Variants in CHTOP observed in about 807,000 individuals in gnomAD.
CHTOP encodes the protein chromatin target of PRMT1 protein.
Under a neutral mutation model 33.6 loss-of-function variants are expected in CHTOP, and 18 were observed. The observed-to-expected ratio is 0.54, with a 90% confidence interval of 0.37 to 0.80. The LOEUF is 0.80. Among genes scored for constraint, CHTOP ranks in the 30% least tolerant of loss-of-function variants. The probability of loss-of-function intolerance (pLI) is 0.00; values close to 1 mark genes in which losing one functional copy is unlikely to be tolerated. For missense variants in CHTOP, 263 were observed against 336.8 expected (o/e 0.78, Z 1.71); for synonymous variants, 117 against 127.7 (o/e 0.92, Z 0.56).
In CHTOP at chr1:153,638,484, G is replaced by T. The variant is rs760152308; in HGVS notation, c.219+36G>T. 1.9e-6 allele frequency: 3 copies of T among 1,613,452 alleles called. No individual in the cohort carries two copies. The South Asian group carries it at 3.3e-5, about 18-fold the overall frequency. ...GGGTCTTAATGCTCCAGAAGCAGCT[G>T]GTGATCTCTGTGAGGGAGTCCACTG... On this transcript the variant is annotated intron_variant, in intron 3 of 5. Coordinates refer to ENST00000368694, the MANE Select transcript of CHTOP (RefSeq NM_015607.4).
chr1:153,638,316 C>T lies in CHTOP; in HGVS notation c.87C>T (p.Asn29=). The T allele has an allele frequency of 6.2e-7, 1 of 1,614,212 alleles. No homozygotes were observed. Among genetic ancestry groups the T allele is most frequent in the Non-Finnish European group, 8.5e-7 (1 of 1,180,030 alleles). Residue 29 remains asparagine, a synonymous_variant, in exon 3 of 6, where the codon AAC becomes AAT. Transcript: ENST00000368694. ...GAAGCTTTACTAATATGCTGAAGAA[C>T]AAACAGCCGACGCCAGTGAATATTC... ...LNERFTNMLK[N]KQPTPVNIRA...
chr1:153,634,985 C>T (rs1668298436), intron 1 of CHTOP, among the ~76,000 whole-genome samples: 1 of 152,000 alleles, frequency 6.6e-6, no homozygotes, highest in African/African-American at 2.4e-5. Flanking sequence ...TCCGGAGTAG[C>T]TGGGATTACA....
At chr1:153,644,977 C>T (rs528990095) in intron 5 of CHTOP, 87 bp from the exon 6 acceptor site, 3 of 1,230,498 alleles carry the variant, frequency 2.4e-6, no homozygotes, top group South Asian at 2.8e-5. Flanking sequence ...TCAGCTAGGC[C>T]CCACTGCTCT....
At chr1:153,638,651 G>T in intron 3 of CHTOP, 1 of 607,072 alleles carries the variant, frequency 1.6e-6, no homozygotes, top group Non-Finnish European at 3.0e-6. Context: ...CTTTTAGGGA[G>T]TTTGCCATCT....
chr1:153,635,691 C>T (rs1668357168), intron 1 of CHTOP, among the ~76,000 whole-genome samples: 1 of 151,946 alleles, frequency 6.6e-6, no homozygotes, highest in Non-Finnish European at 1.5e-5. Flanking sequence ...GGCATGGTGG[C>T]ACGTGCCTGT....
chr1:153,646,142 A>G lies in CHTOP; in HGVS notation c.*873A>G, dbSNP rs1004896564. ...GATAGCCATGCTAAAATGCAATTAT[A>G]TCCTCATGTTTATCCCAAACTAATC... On this transcript the variant is annotated 3_prime_UTR_variant, in exon 6 of 6. Coordinates refer to ENST00000368694, the MANE Select transcript of CHTOP (RefSeq NM_015607.4). 1 of 152,200 alleles carries G rather than the reference A, an allele frequency of 6.6e-6. No homozygotes were observed. The highest frequency in any genetic ancestry group is 2.4e-5 in the African/African-American group (1 of 41,438). 9.4% of individuals were successfully genotyped at this position (152,200 alleles called of 1,614,324 possible).
intron 2 of CHTOP, chr1:153,637,509 G>C (rs753034795): frequency 6.6e-6 from 1 of 152,214 alleles, no homozygotes; most frequent in African/African-American, 2.4e-5. Context: ...TTAGCTGGGC[G>C]TGGTGGCGTG....
intron 4 of CHTOP, 145 bp from the exon 5 acceptor site, chr1:153,643,082 T>G: frequency 1.1e-6 from 1 of 884,868 alleles, no homozygotes; most frequent in Non-Finnish European, 1.9e-6. Context: ...AGTAGCTTAA[T>G]CTGTTCACAG....
intron 2 of CHTOP, chr1:153,638,020 T>G (rs758072600): frequency 2.2e-5 from 9 of 406,164 alleles, no homozygotes; most frequent in Admixed American, 7.8e-5. Context: ...TATTGCGTGT[T>G]TTTCATACCT....
chr1:153,643,092 G>T, intron 4 of CHTOP, 135 bp from the exon 5 acceptor site: 2 of 951,942 alleles, frequency 2.1e-6, no homozygotes, highest in Non-Finnish European at 3.4e-6. Flanking sequence ...TCTGTTCACA[G>T]TATGCAGCTT....
At chr1:153,635,076 C>A (rs138794317) in intron 1 of CHTOP, among the ~76,000 whole-genome samples, 1 of 152,096 alleles carries the variant, frequency 6.6e-6, no homozygotes, top group Admixed American at 6.5e-5. Flanking sequence ...TCTCGAACTC[C>A]CAACCTCAGG....
intron 5 of CHTOP, chr1:153,643,625 T>C (rs1668703830): frequency 3.2e-6 from 1 of 315,394 alleles, no homozygotes; most frequent in Admixed American, 4.6e-5. Flanking sequence ...TTAAATTGTA[T>C]AGTTGAAAAT....
chr1:153,644,970 G>T, intron 5 of CHTOP, 94 bp from the exon 6 acceptor site: 1 of 1,153,986 alleles, frequency 8.7e-7, no homozygotes, highest in Non-Finnish European at 1.2e-6. Flanking sequence ...GCTTTTCTCA[G>T]CTAGGCCCCA....
chr1:153,638,882 C>CTT (rs34440523), intron 3 of CHTOP, among the ~76,000 whole-genome samples: 1 of 142,590 alleles, frequency 7.0e-6, no homozygotes. Context: ...CAAAGGTTTT[C>CTT]TTTTTTTTTT....
intron 5 of CHTOP, among the ~76,000 whole-genome samples, chr1:153,644,555 CAGCTAGCTCATTAGACTTG>C (rs1472476677): frequency 6.6e-6 from 1 of 152,200 alleles, no homozygotes; most frequent in African/African-American, 2.4e-5. Flanking sequence ...CACATGAGGT[CAGCTAGCTCATTAGACTTG>C]ATAAGTTTAA....
chr1:153,638,588 C>G (rs1668496405), intron 3 of CHTOP, 140 bp downstream of exon 3: 2 of 950,928 alleles, frequency 2.1e-6, no homozygotes, highest in Non-Finnish European at 3.3e-6. Flanking sequence ...AAGAGAAGTT[C>G]AGAGAATTCC....
In CHTOP at chr1:153,646,184, A is replaced by C. The variant is rs1168691886; in HGVS notation, c.*915A>C. 6.6e-6 allele frequency: 1 copy of C among 152,142 alleles called. No individual in the cohort carries two copies. The highest frequency in any genetic ancestry group is 2.4e-5 in the African/African-American group (1 of 41,426). 9.4% of individuals were successfully genotyped at this position (152,142 alleles called of 1,614,324 possible). On this transcript the variant is annotated 3_prime_UTR_variant, in exon 6 of 6. Coordinates refer to ENST00000368694, the MANE Select transcript of CHTOP (RefSeq NM_015607.4). Reference sequence around the variant, plus strand: ...AAACTAATCTTGGACTTTTCCACTCATTAGCTTTGTTTTGCCCTTGTTTCC... The same window carrying C: ...AAACTAATCTTGGACTTTTCCACTCCTTAGCTTTGTTTTGCCCTTGTTTCC...
chr1:153,638,163 C>A, intron 2 of CHTOP, 132 bp from the exon 3 acceptor site: 1 of 845,914 alleles, frequency 1.2e-6, no homozygotes, highest in Non-Finnish European at 1.9e-6. Flanking sequence ...CCACATCAGC[C>A]TTGATCTAAG....
At chr1:153,644,032 A>G (rs994570969) in intron 5 of CHTOP, 1 of 152,192 alleles carries the variant, frequency 6.6e-6, no homozygotes, top group Non-Finnish European at 1.5e-5. Context: ...TGTTAATACT[A>G]AATCTCATGG....
Sources: allele counts gnomAD v4.1 joint callset (sites outside exome capture counted in the v4.1 genomes callset), GRCh38; gene constraint gnomAD v4.1.1; transcripts MANE v1.5; gene names NCBI Gene and HGNC (gene_info 2026-07-23, HGNC 2026-07-21).